CTNND2: variants seen among roughly 807,000 people sequenced by gnomAD.
The protein encoded by CTNND2 is catenin delta 2.
Under a neutral mutation model 144.4 loss-of-function variants are expected in CTNND2, and 22 were observed. The ratio of observed to expected loss-of-function variants is 0.15; its 90% CI spans 0.11 to 0.22. The LOEUF (loss-of-function observed/expected upper bound fraction) is 0.22, where lower values mean the gene tolerates loss of function less well. CTNND2 is among the 10% of genes least tolerant of loss of function. The pLI, the probability that CTNND2 is intolerant of heterozygous loss-of-function variation, is 1.00. For missense variants in CTNND2, 1,353 were observed against 1,618.8 expected, an observed-to-expected ratio of 0.84 and a Z score of 2.82; for synonymous variants, 751 against 695.6, an observed-to-expected ratio of 1.08 and a Z score of -1.25.
chr5:11,886,037 A>G (rs1582066946), intron 1 of CTNND2, among the ~76,000 whole-genome samples: 2 of 152,136 alleles, frequency 1.3e-5, no homozygotes, highest in African/African-American at 4.8e-5. Context: ...AGCAGTACAG[A>G]GAGGAAGTTT....
intron 9 of CTNND2, among the ~76,000 whole-genome samples, chr5:11,309,086 A>C (rs1750544880): frequency 6.6e-6 from 1 of 152,190 alleles, no homozygotes; most frequent in African/African-American, 2.4e-5. Context: ...AACATTGGGG[A>C]TTCGAATTTG....
At chr5:11,090,415 A>G (rs899070769) in intron 15 of CTNND2, among the ~76,000 whole-genome samples, 1 of 152,216 alleles carries the variant, frequency 6.6e-6, no homozygotes. Flanking sequence ...GCCGCAGACC[A>G]GTATTGTGGC....
At chr5:11,289,625 T>C (rs1474380684) in intron 9 of CTNND2, among the ~76,000 whole-genome samples, 1 of 152,056 alleles carries the variant, frequency 6.6e-6, no homozygotes, top group Non-Finnish European at 1.5e-5. Flanking sequence ...ACCCAAAAGA[T>C]TAAACCATCA....
chr5:11,480,979 G>C (rs1041407820), intron 3 of CTNND2, among the ~76,000 whole-genome samples: 7 of 152,070 alleles, frequency 4.6e-5, no homozygotes, highest in African/African-American at 1.7e-4. Context: ...ACTCATCGAA[G>C]CACATGACGA....
intron 2 of CTNND2, among the ~76,000 whole-genome samples, chr5:11,598,699 GAAAACTGATGAAA>G: frequency 6.6e-6 from 1 of 152,160 alleles, no homozygotes; most frequent in South Asian, 2.1e-4. Context: ...TCTTCTCCAT[GAAAACTGATGAAA>G]AATATGAGAC....
intron 2 of CTNND2, among the ~76,000 whole-genome samples, chr5:11,693,399 A>C (rs1180053137): frequency 6.6e-6 from 1 of 152,250 alleles, no homozygotes; most frequent in East Asian, 1.9e-4. Context: ...CCAGTTTTGG[A>C]AGATACTGCA....
intron 11 of CTNND2, among the ~76,000 whole-genome samples, chr5:11,182,302 G>T (rs540211272): frequency 1.1e-4 from 17 of 151,998 alleles, no homozygotes; most frequent in Admixed American, 3.9e-4. Context: ...GCCTGCATGT[G>T]CTGGTCTGTG....
At chr5:11,725,583 A>G (rs1337891496) in intron 2 of CTNND2, among the ~76,000 whole-genome samples, 2 of 152,140 alleles carry the variant, frequency 1.3e-5, no homozygotes, top group Non-Finnish European at 2.9e-5. Flanking sequence ...TATCTAAATG[A>G]TGAGGTTGTG....
In CTNND2 at chr5:11,159,645, G is replaced by A; in HGVS notation, c.2090C>T (p.Pro697Leu). Reference sequence around the variant, plus strand: ...CTGTATTTTCCGATCATCCTGAAGAGGCGAATTTTCCCAGCCTGAGTGGGG... The same window carrying A: ...CTGTATTTTCCGATCATCCTGAAGAAGCGAATTTTCCCAGCCTGAGTGGGG... ...IIPHSGWENS[P>L]LQDDRKIQLH... Residue 697 changes from proline (P) to leucine (L), a missense_variant, in exon 12 of 22, where the codon CCT (proline) becomes CTT (leucine). By Grantham distance (98) the Pro-to-Leu change is moderately conservative. Transcript: ENST00000304623. 1 of 1,613,702 alleles carries A rather than the reference G, an allele frequency of 6.2e-7. No homozygotes were observed. The highest frequency in any genetic ancestry group is 8.5e-7 in the Non-Finnish European group (1 of 1,179,824).
Position 11,553,552 on chromosome 5 carries a change from T to C in CTNND2, c.287+11392A>G, listed in dbSNP as rs186119727. 2.8e-3 allele frequency among the ~76,000 whole-genome samples: 427 copies of C among 152,306 alleles called. 7 individuals are homozygous for C. Among genetic ancestry groups the C allele is most frequent in the Non-Finnish European group, 5.0e-4 (34 of 68,016 alleles). ...TTATAGAAGAGCATTATCCCCATTT[T>C]TATAGATGAAAGAAATAAATAAAAG... is the stretch of plus-strand genomic sequence containing the variant. On this transcript the variant is annotated intron_variant, in intron 3 of 21. Coordinates refer to ENST00000304623, the MANE Select transcript of CTNND2 (RefSeq NM_001332.4).
intron 16 of CTNND2, among the ~76,000 whole-genome samples, chr5:11,053,851 T>C (rs1746087734): frequency 6.6e-6 from 1 of 152,246 alleles, no homozygotes; most frequent in Non-Finnish European, 1.5e-5. Context: ...GCGACACTGC[T>C]TCATTGTTCC....
intron 1 of CTNND2, among the ~76,000 whole-genome samples, chr5:11,803,254 A>C (rs1173115923): frequency 1.3e-5 from 2 of 152,022 alleles, no homozygotes; most frequent in African/African-American, 4.8e-5. Context: ...AGGGAGTCGG[A>C]GGTTGCAGTG....
At chr5:11,427,275 CTTT>C (rs765824451) in intron 3 of CTNND2, among the ~76,000 whole-genome samples, 1 of 120,862 alleles carries the variant, frequency 8.3e-6, no homozygotes. Context: ...TTCCCATATG[CTTT>C]TTTTTTTTTT....
At position 11,384,738 on chromosome 5, in the gene CTNND2, C is replaced by A; in HGVS notation, c.1104G>T (p.Ala368=). 1 of 1,612,736 alleles carries A rather than the reference C, an allele frequency of 6.2e-7. No homozygotes were observed. The highest frequency in any genetic ancestry group is 8.5e-7 in the Non-Finnish European group (1 of 1,179,672). ...GCGAGTGCTTGCTGTACTGCTCGGA[C>A]GCGTGGACCAGGCGCTTGGTGGGCG... The part of the protein sequence containing the change: ...TLSPTKRLVH[A]SEQYSKHSQE... The change falls in exon 7 of 22, where the codon GCG becomes GCT. Residue 368 remains alanine, a synonymous_variant. Transcript: ENST00000304623. This position sits in a 1 kb window ranked among gnomAD's most constrained non-coding sequence, Gnocchi z 5.2.
At chr5:11,354,531 A>T (rs1428982505) in intron 8 of CTNND2, among the ~76,000 whole-genome samples, 2 of 152,192 alleles carry the variant, frequency 1.3e-5, no homozygotes, top group Non-Finnish European at 2.9e-5. Flanking sequence ...GCTGATCTTG[A>T]TCTATTCATT....
At chr5:11,810,822 G>C (rs1253629328) in intron 1 of CTNND2, among the ~76,000 whole-genome samples, 1 of 151,788 alleles carries the variant, frequency 6.6e-6, no homozygotes, top group Non-Finnish European at 1.5e-5. Context: ...AAAATCCTAG[G>C]GTAAGTTAGG....
At chr5:11,895,763 G>T (rs76825373) in intron 1 of CTNND2, among the ~76,000 whole-genome samples, 2 of 151,514 alleles carry the variant, frequency 1.3e-5, no homozygotes, top group Admixed American at 6.6e-5. Flanking sequence ...TTTTAAAAAA[G>T]GAAAATAGAT....
intron 7 of CTNND2, among the ~76,000 whole-genome samples, chr5:11,374,467 G>C (rs1373124008): frequency 6.6e-6 from 1 of 152,152 alleles, no homozygotes; most frequent in Non-Finnish European, 1.5e-5. Flanking sequence ...TGGGCCCAGA[G>C]TCTTCACCAC....
intron 12 of CTNND2, among the ~76,000 whole-genome samples, chr5:11,133,596 C>T (rs1755830209): frequency 6.6e-6 from 1 of 152,158 alleles, no homozygotes; most frequent in Non-Finnish European, 1.5e-5. Flanking sequence ...AGGTGATTCA[C>T]CTGCCTTGGC....
Sources: gnomAD v4.1 joint callset for allele counts (sites outside exome capture counted in the v4.1 genomes callset) on GRCh38, gnomAD v4.1.1 for gene constraint, Gnocchi (gnomAD v3.1) non-coding constraint, MANE v1.5 for transcripts, NCBI Gene and HGNC (gene_info 2026-07-23, HGNC 2026-07-21) for gene names.